PTBP3: variants seen among roughly 807,000 people sequenced by gnomAD.
The protein encoded by PTBP3 is polypyrimidine tract-binding protein 3.
Under a neutral mutation model 58.7 loss-of-function variants are expected in PTBP3, and 20 were observed. The ratio of observed to expected loss-of-function variants is 0.34; its 90% CI spans 0.24 to 0.50. The LOEUF (loss-of-function observed/expected upper bound fraction) is 0.50. Among genes scored for constraint, PTBP3 ranks in the 20% least tolerant of loss-of-function variants. The pLI, the probability that PTBP3 is intolerant of heterozygous loss-of-function variation, is 0.98. For synonymous variants in PTBP3, 185 were observed against 219.8 expected, an observed-to-expected ratio of 0.84 and a Z score of 1.40; for missense variants, 509 against 637.2, an observed-to-expected ratio of 0.80 and a Z score of 2.17.
the PTBP3 span, among the ~76,000 whole-genome samples, chr9:112,341,171 G>A: frequency 3.9e-5 from 6 of 151,942 alleles, no homozygotes; most frequent in Admixed American, 6.6e-5. Context: ...GTCTCAAGTC[G>A]CCCAGACTAG....
chr9:112,367,348 T>C, the PTBP3 span, among the ~76,000 whole-genome samples: 1 of 152,224 alleles, frequency 6.6e-6, no homozygotes, highest in South Asian at 2.1e-4. Context: ...TATTATTCTT[T>C]TGTTTCAACA....
downstream of PTBP3, chr9:112,218,136 A>C (rs765091413): frequency 2.0e-5 from 3 of 152,252 alleles, no homozygotes; most frequent in Non-Finnish European, 4.4e-5. Context: ...TGAGTGTGCA[A>C]GCAAGAAAGC....
chr9:112,332,135 T>TC (rs1487859934), intron 1 of PTBP3, among the ~76,000 whole-genome samples: 1 of 151,588 alleles, frequency 6.6e-6, no homozygotes, highest in Admixed American at 6.6e-5. Context: ...CAGCTTCAAT[T>TC]CCCCCCCAAA....
chr9:112,373,030 G>A, the PTBP3 span, among the ~76,000 whole-genome samples: 2 of 18,960 alleles, frequency 1.1e-4, no homozygotes, highest in Non-Finnish European at 2.1e-4. Context: ...AAGTAGCTGG[G>A]ACTACAGTGC....
chr9:112,311,724 T>G (rs1536604), intron 1 of PTBP3, among the ~76,000 whole-genome samples: 1 of 152,042 alleles, frequency 6.6e-6, no homozygotes, highest in Non-Finnish European at 1.5e-5. Flanking sequence ...TGAGGCAGGA[T>G]AGCTTAAGGC....
the PTBP3 span, among the ~76,000 whole-genome samples, chr9:112,377,052 C>G: frequency 6.6e-6 from 1 of 152,302 alleles, no homozygotes; most frequent in South Asian, 2.1e-4. Context: ...GTGTTACTTC[C>G]CCATTGTCCA....
chr9:112,250,935 C>A lies in PTBP3; in HGVS notation c.796G>T (p.Ala266Ser). The A allele has an allele frequency of 6.4e-7, 1 of 1,552,488 alleles. No homozygotes were observed. The highest frequency in any genetic ancestry group is 2.1e-5 in the Admixed American group (1 of 47,544). The change falls in exon 7 of 14, where the codon GCT becomes TCT. Residue 266 changes from alanine to serine, a missense_variant. Transcript: ENST00000374257. ...QPSLEPPMAAAFGAPGIISSP... is the reference protein window; with the variant it reads ...QPSLEPPMAASFGAPGIISSP... The stretch of plus-strand genomic sequence containing the variant: ...CCAAAAAAGAACTACTCACCAAAAG[C>A]AGCAGCCATAGGGGGTTCAAGGGAT...
intron 1 of PTBP3, among the ~76,000 whole-genome samples, chr9:112,303,198 T>C (rs1164348258): frequency 6.6e-6 from 1 of 152,204 alleles, no homozygotes; most frequent in Non-Finnish European, 1.5e-5. Flanking sequence ...GATATTATCC[T>C]GCTTCAAGCA....
At chr9:112,293,786 G>A (rs146438959) in intron 2 of PTBP3, among the ~76,000 whole-genome samples, 2 of 152,300 alleles carry the variant, frequency 1.3e-5, no homozygotes, top group Non-Finnish European at 2.9e-5. Flanking sequence ...GGGTATGATG[G>A]AAAGAGAGTA....
At chr9:112,315,030 A>G (rs990964339) in intron 1 of PTBP3, among the ~76,000 whole-genome samples, 1 of 152,050 alleles carries the variant, frequency 6.6e-6, no homozygotes, top group Non-Finnish European at 1.5e-5. Context: ...ACGGAGTGTC[A>G]CCGTGTTAGC....
chr9:112,295,789 T>C (rs1216755126), intron 2 of PTBP3, among the ~76,000 whole-genome samples: 1 of 152,138 alleles, frequency 6.6e-6, no homozygotes, highest in Admixed American at 6.6e-5. Context: ...TAATCCCAAA[T>C]GGAAAGATAA....
At chr9:112,299,722 C>G (rs527474406) in intron 1 of PTBP3, among the ~76,000 whole-genome samples, 15 of 152,146 alleles carry the variant, frequency 9.9e-5, no homozygotes, top group South Asian at 6.2e-4. Context: ...CTCCCTCCCC[C>G]CATTGACAAC....
upstream of PTBP3, among the ~76,000 whole-genome samples, chr9:112,336,315 A>G (rs956847374): frequency 2.0e-5 from 3 of 152,232 alleles, no homozygotes; most frequent in Non-Finnish European, 4.4e-5. Context: ...CATCTGAGGA[A>G]TAGATCCCTA....
chr9:112,332,989 C>T, intron 1 of PTBP3: 1 of 1,313,342 alleles, frequency 7.6e-7, no homozygotes, highest in Non-Finnish European at 9.7e-7. Flanking sequence ...AGACGTGTAC[C>T]GACGCGTGCA....
At chr9:112,323,121 A>T (rs1402826779) in intron 1 of PTBP3, among the ~76,000 whole-genome samples, 2 of 152,218 alleles carry the variant, frequency 1.3e-5, no homozygotes, top group Non-Finnish European at 2.9e-5. Context: ...GCATGGTGCC[A>T]TGTCTGTGTA....
intron 12 of PTBP3, among the ~76,000 whole-genome samples, chr9:112,225,892 C>T (rs555574955): frequency 1.3e-5 from 2 of 151,918 alleles, no homozygotes; most frequent in East Asian, 3.9e-4. Context: ...CAAAAAAATA[C>T]AAAAAATTAG....
chr9:112,234,901 A>G lies in PTBP3; in HGVS notation c.803-4T>C. ...GAAGAAATTATACCCGGTGCACCTA[A>G]TGGGAAAGAGAAGCTAAAGTAAACA... On this transcript the variant is annotated splice_region_variant and splice_polypyrimidine_tract_variant and intron_variant, in intron 7 of 13. Coordinates refer to ENST00000374257, the MANE Select transcript of PTBP3 (RefSeq NM_001163788.4). The G allele has an allele frequency of 6.2e-7, 1 of 1,609,284 alleles. No individual in the cohort carries two copies. Among genetic ancestry groups the G allele is most frequent in the East Asian group, 2.2e-5 (1 of 44,788 alleles).
At chr9:112,280,748 C>T (rs570741077) in intron 2 of PTBP3, among the ~76,000 whole-genome samples, 5 of 135,388 alleles carry the variant, frequency 3.7e-5, no homozygotes, top group South Asian at 2.6e-4. Flanking sequence ...ACTCTTCATA[C>T]GTGTGTGTCT....
chr9:112,250,791 T>C, intron 7 of PTBP3, 138 bp downstream of exon 7: 1 of 798,952 alleles, frequency 1.3e-6, no homozygotes, highest in Non-Finnish European at 1.8e-6. Flanking sequence ...TGGGTATACT[T>C]TGTTCTAGGA....
Sources: gnomAD v4.1 joint callset for allele counts (sites outside exome capture counted in the v4.1 genomes callset) on GRCh38, gnomAD v4.1.1 for gene constraint, MANE v1.5 for transcripts, NCBI Gene and HGNC (gene_info 2026-07-23, HGNC 2026-07-21) for gene names.